SDK1: variants seen among roughly 807,000 people sequenced by gnomAD.
SDK1 encodes the protein sidekick cell adhesion molecule 1.
A neutral mutation model predicts 245.5 loss-of-function variants in SDK1; 157 were observed. That is an observed-to-expected ratio of 0.64 (90% confidence interval 0.56 to 0.73). The LOEUF (loss-of-function observed/expected upper bound fraction) is 0.73. Ranked by LOEUF, SDK1 falls within the 30% of genes least tolerant of loss-of-function variation. The pLI, the probability that SDK1 is intolerant of heterozygous loss-of-function variation, is 0.00. For missense variants in SDK1, 3,583 were observed against 3,002.3 expected, an observed-to-expected ratio of 1.19 and a Z score of -4.52; for synonymous variants, 1,647 against 1,278.5, an observed-to-expected ratio of 1.29 and a Z score of -6.15.
chr7:3,791,860 A>G (rs961963707), intron 4 of SDK1, among the ~76,000 whole-genome samples: 1 of 152,104 alleles, frequency 6.6e-6, no homozygotes, highest in African/African-American at 2.4e-5. Context: ...ATGGTGGCTC[A>G]TGCATGTAAT....
At chr7:4,218,131 C>T (rs530470441) in intron 38 of SDK1, among the ~76,000 whole-genome samples, 5 of 152,138 alleles carry the variant, frequency 3.3e-5, no homozygotes, top group Non-Finnish European at 7.3e-5. Flanking sequence ...GCCCCAGGCA[C>T]GGTGGCTCAT....
intron 25 of SDK1, 90 bp downstream of exon 25, chr7:4,114,364 C>G (rs2128191871): frequency 2.0e-6 from 2 of 989,948 alleles, no homozygotes; most frequent in Non-Finnish European, 3.0e-6. Context: ...CTAGTGGCGT[C>G]TCATTGGCCT....
At chr7:3,983,890 C>T (rs1053264247) in intron 13 of SDK1, among the ~76,000 whole-genome samples, 7 of 152,166 alleles carry the variant, frequency 4.6e-5, no homozygotes, top group Non-Finnish European at 5.9e-5. Flanking sequence ...GGGGGACAGT[C>T]GCAGAGAAGG....
At chr7:3,865,091 T>G (rs1562499482) in intron 5 of SDK1, among the ~76,000 whole-genome samples, 1 of 152,190 alleles carries the variant, frequency 6.6e-6, no homozygotes, top group Non-Finnish European at 1.5e-5. Context: ...CCAGCACGTT[T>G]TACTGACAGG....
intron 5 of SDK1, among the ~76,000 whole-genome samples, chr7:3,860,140 T>G (rs1231238913): frequency 2.0e-5 from 3 of 152,084 alleles, no homozygotes; most frequent in Non-Finnish European, 4.4e-5. Flanking sequence ...CAGGATGGTC[T>G]CACTCTCCTG....
At chr7:4,118,388 C>T (rs1783852343) in intron 25 of SDK1, among the ~76,000 whole-genome samples, 1 of 152,196 alleles carries the variant, frequency 6.6e-6, no homozygotes, top group Non-Finnish European at 1.5e-5. Flanking sequence ...CCACTTCACA[C>T]TCCTAAAATA....
intron 4 of SDK1, among the ~76,000 whole-genome samples, chr7:3,720,208 ATTGTGCCATTGCACTCCAGCCTGGGCG>A (rs1160855811): frequency 6.6e-6 from 1 of 152,162 alleles, no homozygotes; most frequent in Non-Finnish European, 1.5e-5. Context: ...TTGAGGCAAG[ATTGTGCCATTGCACTCCAGCCTGGGCG>A]ACAGAGCGAG....
At chr7:4,251,944 T>A (rs1787328610) in intron 44 of SDK1, among the ~76,000 whole-genome samples, 1 of 152,262 alleles carries the variant, frequency 6.6e-6, no homozygotes, top group African/African-American at 2.4e-5. Context: ...TCTGTCTGGA[T>A]GTTTTTTGTC....
At chr7:3,721,991 G>A (rs1010264107) in intron 4 of SDK1, among the ~76,000 whole-genome samples, 1 of 151,936 alleles carries the variant, frequency 6.6e-6, no homozygotes, top group African/African-American at 2.4e-5. Context: ...AGTCTGGAAG[G>A]CAGTGGCAAC....
At chr7:4,084,673 TACG>T (rs1363383363) in intron 22 of SDK1, among the ~76,000 whole-genome samples, 2 of 91,264 alleles carry the variant, frequency 2.2e-5, no homozygotes, top group Non-Finnish European at 3.9e-5. Context: ...TATGTTATGT[TACG>T]TTATGTTATG....
intron 7 of SDK1, among the ~76,000 whole-genome samples, chr7:3,956,237 G>A (rs1285484613): frequency 6.6e-6 from 1 of 152,168 alleles, no homozygotes; most frequent in Admixed American, 6.5e-5. Context: ...GTGGTTGAGA[G>A]TCTATGCACA....
chr7:3,357,384 C>G (rs976847214), intron 1 of SDK1, among the ~76,000 whole-genome samples: 8 of 105,262 alleles, frequency 7.6e-5, no homozygotes, highest in African/African-American at 2.2e-4. Context: ...GGGTCTCACT[C>G]TGTTGCCCAG....
Position 3,367,620 on chromosome 7 carries a change from T to C in SDK1, c.298+65736T>C, listed in dbSNP as rs1025590833. Reference sequence around the variant, plus strand: ...CTGTATTTGTGCTGAATTTCCATAGTCTGTGGACAGATTTGCTCTGGGTGC... The same window carrying C: ...CTGTATTTGTGCTGAATTTCCATAGCCTGTGGACAGATTTGCTCTGGGTGC... On this transcript the variant is annotated intron_variant, in intron 1 of 44. Transcript: ENST00000404826. 3.3e-5 allele frequency among the ~76,000 whole-genome samples: 5 copies of C among 152,192 alleles called. No homozygotes were observed. In the East Asian group the frequency reaches 9.6e-4, roughly 29 times the overall value.
At chr7:3,481,012 T>A (rs1191150856) in intron 1 of SDK1, among the ~76,000 whole-genome samples, 1 of 152,230 alleles carries the variant, frequency 6.6e-6, no homozygotes, top group East Asian at 1.9e-4. Context: ...ATTTTGAATT[T>A]TTTACCTATT....
chr7:3,487,754 CAAAAA>C (rs764105126), intron 1 of SDK1, among the ~76,000 whole-genome samples: 7 of 64,946 alleles, frequency 1.1e-4, no homozygotes, highest in South Asian at 1.6e-3. Context: ...GACCCCATCT[CAAAAA>C]AAAAAAAAAA....
intron 41 of SDK1, among the ~76,000 whole-genome samples, chr7:4,236,413 T>C (rs1451820989): frequency 1.3e-5 from 2 of 151,912 alleles, no homozygotes; most frequent in South Asian, 4.2e-4. Context: ...TTTTTTTCTA[T>C]TGATTTCTCA....
chr7:3,887,141 G>A (rs187981191), intron 5 of SDK1, among the ~76,000 whole-genome samples: 30 of 152,230 alleles, frequency 2.0e-4, no homozygotes, highest in East Asian at 1.9e-4. Context: ...CCTATACAGC[G>A]TCCACAGCAG....
At chr7:3,319,876 G>GTTTTT (rs1562411105) in intron 1 of SDK1, among the ~76,000 whole-genome samples, 1 of 40,990 alleles carries the variant, frequency 2.4e-5, no homozygotes, top group African/African-American at 1.3e-4. Flanking sequence ...CCCATTCTTA[G>GTTTTT]TCTTTTTTTT....
At chr7:4,078,757 G>A (rs1049034443) in intron 21 of SDK1, among the ~76,000 whole-genome samples, 1 of 152,192 alleles carries the variant, frequency 6.6e-6, no homozygotes, top group African/African-American at 2.4e-5. Flanking sequence ...CATCTGAAGG[G>A]TCTCTCATCT....
Sources: gnomAD v4.1 joint callset for allele counts (sites outside exome capture counted in the v4.1 genomes callset) on GRCh38, gnomAD v4.1.1 for gene constraint, MANE v1.5 for transcripts, NCBI Gene and HGNC (gene_info 2026-07-23, HGNC 2026-07-21) for gene names.